Variants in TDP1 observed in about 807,000 individuals in gnomAD.
TDP1 encodes tyr-DNA phosphodiesterase 1.
In TDP1, 64 loss-of-function variants were observed where a neutral mutation model predicts 81.5. The ratio of observed to expected loss-of-function variants is 0.79; its 90% CI spans 0.64 to 0.97. The LOEUF (loss-of-function observed/expected upper bound fraction) is 0.97, where lower values mean the gene tolerates loss of function less well. Among genes scored for constraint, TDP1 ranks in the 50% least tolerant of loss-of-function variants. The probability of loss-of-function intolerance (pLI) is 0.00; values close to 1 mark genes in which losing one functional copy is unlikely to be tolerated. For missense variants in TDP1, 723 were observed against 743.8 expected (o/e 0.97, Z 0.33); for synonymous variants, 256 against 264.3 (o/e 0.97, Z 0.30).
chr14:89,971,622 T>C (rs1893678245), intron 6 of TDP1, among the ~76,000 whole-genome samples: 1 of 152,244 alleles, frequency 6.6e-6, no homozygotes, highest in African/African-American at 2.4e-5. Context: ...CTTCGTTTTC[T>C]CTCTTTAATT....
chr14:89,981,512 G>A (rs1426501704), intron 8 of TDP1: 1 of 453,920 alleles, frequency 2.2e-6, no homozygotes, highest in South Asian at 1.6e-5. Context: ...TTAACAAACA[G>A]CCTTCTGTGT....
chr14:89,989,029 G>A lies in TDP1; in HGVS notation c.1256G>A (p.Ser419Asn). The stretch of plus-strand genomic sequence containing the variant: ...TGGTTATGTTCTGAGTTTAAAGAGA[G>A]CATGCTGACACTGGGGAAGGAAAGC... The part of the protein sequence containing the change: ...SKWLCSEFKE[S>N]MLTLGKESKT... Residue 419 changes from serine to asparagine, a missense_variant, in exon 11 of 17, where the codon AGC becomes AAC. Ser to Asn is a conservative substitution (Grantham distance 46). Transcript: ENST00000335725. 6.2e-7 allele frequency: 1 copy of A among 1,614,124 alleles called. No individual in the cohort carries two copies. Among genetic ancestry groups the A allele is most frequent in the South Asian group, 1.1e-5 (1 of 91,088 alleles).
intron 8 of TDP1, among the ~76,000 whole-genome samples, chr14:89,982,900 T>C (rs1205446339): frequency 2.6e-5 from 4 of 152,220 alleles, no homozygotes; most frequent in African/African-American, 9.6e-5. Context: ...TGGTCTACTG[T>C]GGTTCTGCTA....
chr14:89,975,813 C>T lies in TDP1; in HGVS notation c.789C>T (p.His263=), dbSNP rs562317662. 4.9e-5 allele frequency: 79 copies of T among 1,612,144 alleles called. No homozygotes were observed. In the Middle Eastern group the frequency reaches 5.0e-4, roughly 10 times the overall value. ...AKLDIAFGTH[H]TKMMLLLYEE... is the part of the protein sequence containing the mutation. ...TGGATATTGCGTTTGGAACACACCA[C>T]ACGTAAGCACTTTTTGTGAAATAGG... Residue 263 remains histidine, a splice_region_variant and synonymous_variant, in exon 7 of 17, where the codon CAC becomes CAT. Coordinates refer to ENST00000335725, the MANE Select transcript of TDP1 (RefSeq NM_018319.4).
intron 14 of TDP1, among the ~76,000 whole-genome samples, chr14:89,998,408 A>ATGTATG (rs1261218265): frequency 1.0e-4 from 11 of 107,276 alleles, no homozygotes; most frequent in African/African-American, 4.4e-4. Flanking sequence ...ATATATATAT[A>ATGTATG]TATATATATA....
intron 15 of TDP1, among the ~76,000 whole-genome samples, chr14:90,030,787 A>G (rs1285798726): frequency 6.7e-6 from 1 of 149,050 alleles, no homozygotes; most frequent in Non-Finnish European, 1.5e-5. Flanking sequence ...TTTTTTTGAG[A>G]TGGAGTTTCA....
chr14:90,006,894 A>G lies in TDP1; in HGVS notation c.1542-12422A>G, dbSNP rs35255015. ...GAGATGGAGTTTTGAAATGTTGCTC[A>G]GGTTGCTGTTGAACTCCTGAGCTCA... On this transcript the variant is annotated intron_variant, in intron 14 of 16. Coordinates refer to ENST00000335725, the MANE Select transcript of TDP1 (RefSeq NM_018319.4). Among the ~76,000 whole-genome samples the G allele has an allele frequency of 3.1e-3, 468 of 152,160 alleles. 2 individuals are homozygous for G. Among genetic ancestry groups the G allele is most frequent in the African/African-American group, 0.011 (454 of 41,526 alleles).
At chr14:89,964,747 T>G (rs1487946310) in intron 3 of TDP1, 1 of 314,522 alleles carries the variant, frequency 3.2e-6, no homozygotes, top group African/African-American at 2.2e-5. Context: ...TTAGAGAATT[T>G]TGCCAAGTTT....
chr14:89,990,449 T>C (rs1024258645), intron 12 of TDP1, among the ~76,000 whole-genome samples: 1 of 152,024 alleles, frequency 6.6e-6, no homozygotes, highest in Non-Finnish European at 1.5e-5. Flanking sequence ...GAAAGCAGAA[T>C]GCACTGAATT....
At chr14:89,984,150 G>A in intron 8 of TDP1, 3 of 985,444 alleles carry the variant, frequency 3.0e-6, no homozygotes, top group Non-Finnish European at 3.6e-6. Flanking sequence ...TAACCGTTAA[G>A]AGTAGAATTC....
In TDP1 at chr14:89,980,521, T is replaced by G. The variant is rs765986480; in HGVS notation, c.792-19T>G. On this transcript the variant is annotated intron_variant, in intron 7 of 16. Coordinates refer to ENST00000335725, the MANE Select transcript of TDP1 (RefSeq NM_018319.4). ...TGAAAGTACTATTAATGCTTTTTGATCCTTTGCTGTTTTTAAAGGAAAATG... is the reference window on the plus strand; with the variant it reads ...TGAAAGTACTATTAATGCTTTTTGAGCCTTTGCTGTTTTTAAAGGAAAATG... 2 of 1,607,648 alleles carry G rather than the reference T, an allele frequency of 1.2e-6. No individual in the cohort carries two copies. The highest frequency in any genetic ancestry group is 1.1e-5 in the South Asian group (1 of 90,918).
At chr14:90,026,338 A>G (rs985199991) in intron 15 of TDP1, among the ~76,000 whole-genome samples, 8 of 152,260 alleles carry the variant, frequency 5.3e-5, no homozygotes, top group African/African-American at 1.9e-4. Context: ...ACAATTTGAC[A>G]TGGCGTATCT....
intron 10 of TDP1, among the ~76,000 whole-genome samples, chr14:89,985,703 T>C (rs532471521): frequency 6.6e-6 from 1 of 152,320 alleles, no homozygotes; most frequent in East Asian, 1.9e-4. Flanking sequence ...TTAAAGTTTT[T>C]TTCATCTCTT....
intron 15 of TDP1, among the ~76,000 whole-genome samples, chr14:90,023,952 C>G (rs1886368793): frequency 6.6e-6 from 1 of 152,332 alleles, no homozygotes; most frequent in East Asian, 1.9e-4. Context: ...ATTTCTCACT[C>G]CTTAATGCTT....
intron 7 of TDP1, among the ~76,000 whole-genome samples, chr14:89,977,273 A>C (rs998788501): frequency 6.6e-6 from 1 of 152,176 alleles, no homozygotes; most frequent in Admixed American, 6.5e-5. Context: ...TCGTGTCTTG[A>C]AATTACTTTT....
chr14:90,017,218 GCACACACA>G (rs1195511453), intron 14 of TDP1, among the ~76,000 whole-genome samples: 2 of 149,742 alleles, frequency 1.3e-5, no homozygotes, highest in African/African-American at 4.9e-5. Context: ...GTGTGTGCAC[GCACACACA>G]CACACTCCCC....
chr14:90,034,266 CA>C (rs911101290), intron 16 of TDP1, among the ~76,000 whole-genome samples: 1 of 152,082 alleles, frequency 6.6e-6, no homozygotes, highest in African/African-American at 2.4e-5. Context: ...AAAATGAAAA[CA>C]ACAAATGATG....
intron 10 of TDP1, among the ~76,000 whole-genome samples, chr14:89,986,246 T>C (rs35503188): frequency 0.025 from 3,772 of 152,370 alleles, 46 homozygotes; most frequent in Non-Finnish European, 0.04. Flanking sequence ...GTGCCCAGTC[T>C]TGGAGGCAGA....
intron 14 of TDP1, among the ~76,000 whole-genome samples, chr14:90,013,425 A>T (rs979100409): frequency 7.9e-5 from 12 of 152,086 alleles, no homozygotes; most frequent in African/African-American, 2.9e-4. Flanking sequence ...AGGTCTCACG[A>T]GATCTGATGG....
Sources: gnomAD v4.1 joint callset for allele counts (sites outside exome capture counted in the v4.1 genomes callset) on GRCh38, gnomAD v4.1.1 for gene constraint, MANE v1.5 for transcripts, NCBI Gene and HGNC (gene_info 2026-07-23, HGNC 2026-07-21) for gene names.